Variants in KCNN3 observed in about 807,000 individuals in gnomAD.
The protein encoded by KCNN3 is potassium calcium-activated channel subfamily N member 3.
A neutral mutation model predicts 62.9 loss-of-function variants in KCNN3; 16 were observed. The observed-to-expected ratio is 0.25, with a 90% CI of 0.17 to 0.39. The LOEUF is 0.39. Ranked by LOEUF, KCNN3 falls within the 10% of genes least tolerant of loss-of-function variation. The probability of loss-of-function intolerance (pLI) is 1.00; values close to 1 mark genes in which losing one functional copy is unlikely to be tolerated. For missense variants in KCNN3, 599 were observed against 949.4 expected, an observed-to-expected ratio of 0.63 and a Z score of 4.85; for synonymous variants, 370 against 389.2, an observed-to-expected ratio of 0.95 and a Z score of 0.58.
At chr1:154,723,438 C>T (rs1307799802) in intron 5 of KCNN3, among the ~76,000 whole-genome samples, 1 of 152,122 alleles carries the variant, frequency 6.6e-6, no homozygotes, top group Non-Finnish European at 1.5e-5. Flanking sequence ...GATTTTCAGT[C>T]CTACTTTTCA....
At chr1:154,711,399 C>T (rs1380775636) in intron 7 of KCNN3, among the ~76,000 whole-genome samples, 8 of 148,272 alleles carry the variant, frequency 5.4e-5, no homozygotes, top group Non-Finnish European at 1.0e-4. Flanking sequence ...TGTTAAATGA[C>T]GAGTTAATGG....
At chr1:154,710,662 T>C (rs1017194787) in intron 7 of KCNN3, among the ~76,000 whole-genome samples, 5 of 152,166 alleles carry the variant, frequency 3.3e-5, no homozygotes, top group Admixed American at 1.3e-4. Flanking sequence ...GAAAGTTTGG[T>C]TTGCCCAAAA....
intron 1 of KCNN3, among the ~76,000 whole-genome samples, chr1:154,836,806 C>T (rs1038416809): frequency 8.5e-5 from 13 of 152,204 alleles, no homozygotes; most frequent in African/African-American, 3.1e-4. Flanking sequence ...AGTGGCCCCT[C>T]CAGGCTCAGG....
chr1:154,812,503 C>T (rs777338582), intron 2 of KCNN3, among the ~76,000 whole-genome samples: 3 of 151,562 alleles, frequency 2.0e-5, no homozygotes, highest in Non-Finnish European at 4.4e-5. Flanking sequence ...TGAGAACATG[C>T]GGTGTTTGGT....
chr1:154,850,218 C>T (rs979954024), intron 1 of KCNN3, among the ~76,000 whole-genome samples: 6 of 152,222 alleles, frequency 3.9e-5, no homozygotes, highest in African/African-American at 1.2e-4. Flanking sequence ...CCTTCATTAA[C>T]ATCACTTCAC....
intron 2 of KCNN3, among the ~76,000 whole-genome samples, chr1:154,794,989 G>A (rs1250479798): frequency 6.6e-6 from 1 of 152,222 alleles, no homozygotes; most frequent in African/African-American, 2.4e-5. Context: ...TTTCTTCACA[G>A]TTAGTTGTCA....
intron 3 of KCNN3, among the ~76,000 whole-genome samples, chr1:154,766,332 A>G (rs1483636599): frequency 6.7e-6 from 1 of 148,982 alleles, no homozygotes; most frequent in Non-Finnish European, 1.5e-5. Context: ...TTTTTTGAGC[A>G]TGCCCTCCTC....
rs777591960 is a variant in KCNN3 at position 154,699,395 on chromosome 1, G to A, written c.*8581C>T. On this transcript the variant is annotated 3_prime_UTR_variant, in exon 8 of 8. Coordinates refer to ENST00000271915, the MANE Select transcript of KCNN3 (RefSeq NM_002249.6). ...ATGTATATATTATATATGAATGTGC[G>A]GGTATATGTGTGTGCACCTATGTAT... The A allele has an allele frequency of 2.6e-4, 39 of 151,870 alleles. No homozygotes were observed. Among genetic ancestry groups the A allele is most frequent in the Non-Finnish European group, 4.9e-4 (33 of 67,988 alleles). The allele number at this position is 151,870 out of a possible 1,614,324, so 9.4% of individuals were successfully genotyped here.
At chr1:154,714,732 AGT>A in intron 6 of KCNN3, 142 bp downstream of exon 6, 1 of 1,128,348 alleles carries the variant, frequency 8.9e-7, no homozygotes, top group Non-Finnish European at 1.3e-6. Flanking sequence ...TGGCTGGTGC[AGT>A]CAGTGAGTGA....
chr1:154,773,913 A>G (rs781604590), intron 2 of KCNN3, among the ~76,000 whole-genome samples: 6 of 152,202 alleles, frequency 3.9e-5, no homozygotes, highest in Non-Finnish European at 8.8e-5. Context: ...GGGGGCAGCA[A>G]GTGTTTGCTG....
intron 2 of KCNN3, among the ~76,000 whole-genome samples, chr1:154,821,300 C>T (rs1203466197): frequency 1.3e-5 from 2 of 152,196 alleles, no homozygotes; most frequent in East Asian, 3.8e-4. Context: ...TTCACATGCA[C>T]ATGAGGAAAA....
chr1:154,730,781 C>T (rs1700574964), intron 4 of KCNN3, among the ~76,000 whole-genome samples: 1 of 152,146 alleles, frequency 6.6e-6, no homozygotes, highest in African/African-American at 2.4e-5. Context: ...GGCTCCTCAT[C>T]GTCCGTTTCT....
intron 1 of KCNN3, among the ~76,000 whole-genome samples, chr1:154,857,743 T>C (rs1218589): frequency 0.16 from 24,110 of 152,160 alleles, 2,544 homozygotes; most frequent in Non-Finnish European, 0.23. Flanking sequence ...ATCTGTAAAA[T>C]GGGGAGAATT....
intron 4 of KCNN3, among the ~76,000 whole-genome samples, chr1:154,728,265 G>C (rs897750257): frequency 6.6e-6 from 1 of 152,276 alleles, no homozygotes; most frequent in South Asian, 2.1e-4. Flanking sequence ...ATTTCTCTCT[G>C]GAGGCAGGAC....
At chr1:154,791,686 C>T (rs1649526376) in intron 2 of KCNN3, among the ~76,000 whole-genome samples, 1 of 152,176 alleles carries the variant, frequency 6.6e-6, no homozygotes, top group Non-Finnish European at 1.5e-5. Context: ...AGCTTGAAGC[C>T]CTGTCCAACT....
At chr1:154,709,918 C>A (rs1700041965) in intron 7 of KCNN3, among the ~76,000 whole-genome samples, 1 of 152,228 alleles carries the variant, frequency 6.6e-6, no homozygotes, top group South Asian at 2.1e-4. Context: ...AACTGCCTGA[C>A]CGTGGGATGG....
chr1:154,747,500 T>TA (rs2101809357), intron 3 of KCNN3, among the ~76,000 whole-genome samples: 1 of 152,292 alleles, frequency 6.6e-6, no homozygotes, highest in African/African-American at 2.4e-5. Context: ...GTGAACGATT[T>TA]ATTTTTTTTG....
intron 5 of KCNN3, among the ~76,000 whole-genome samples, chr1:154,723,714 T>C (rs547962682): frequency 3.7e-4 from 56 of 152,352 alleles, no homozygotes; most frequent in South Asian, 4.1e-4. Flanking sequence ...CTAATGTCTC[T>C]ACTCTTGGTA....
chr1:154,734,069 A>G (rs1450972054), intron 3 of KCNN3, among the ~76,000 whole-genome samples: 2 of 152,178 alleles, frequency 1.3e-5, no homozygotes, highest in Non-Finnish European at 2.9e-5. Context: ...CAGAGGAGCA[A>G]GGCTTGCATT....
Sources: gnomAD v4.1 joint callset for allele counts (sites outside exome capture counted in the v4.1 genomes callset) on GRCh38, gnomAD v4.1.1 for gene constraint, MANE v1.5 for transcripts, NCBI Gene and HGNC (gene_info 2026-07-23, HGNC 2026-07-21) for gene names.